The following SCP2 variants were observed in gnomAD, a reference collection of about 807,000 sequenced individuals.
SCP2 encodes sterol carrier protein 2.
A neutral mutation model predicts 71.4 loss-of-function variants in SCP2; 48 were observed. The observed-to-expected ratio is 0.67, with a 90% confidence interval of 0.53 to 0.86. The LOEUF is 0.86. Ranked by LOEUF, SCP2 falls within the 40% of genes least tolerant of loss-of-function variation. The pLI is 0.00. For missense variants in SCP2, 560 were observed against 655.6 expected (o/e 0.85, Z 1.59); for synonymous variants, 220 against 218.1 (o/e 1.01, Z -0.08).
At chr1:52,948,386 C>T (rs1376108244) in intron 3 of SCP2, among the ~76,000 whole-genome samples, 2 of 152,152 alleles carry the variant, frequency 1.3e-5, no homozygotes, top group Non-Finnish European at 2.9e-5. Flanking sequence ...TGGCTCACGC[C>T]TATAATCCCA....
At chr1:52,949,095 A>G (rs1223976464) in intron 3 of SCP2, among the ~76,000 whole-genome samples, 1 of 152,192 alleles carries the variant, frequency 6.6e-6, no homozygotes, top group East Asian at 1.9e-4. Context: ...TAGTTGTTAT[A>G]AAAATTCTAT....
chr1:52,982,415 A>G (rs1410044328), intron 10 of SCP2, among the ~76,000 whole-genome samples: 2 of 151,990 alleles, frequency 1.3e-5, no homozygotes, highest in South Asian at 2.1e-4. Flanking sequence ...CTAAAAATAC[A>G]AAAAATTAGC....
chr1:53,016,319 T>C (rs1661336662), intron 12 of SCP2, among the ~76,000 whole-genome samples: 1 of 152,202 alleles, frequency 6.6e-6, no homozygotes, highest in African/African-American at 2.4e-5. Context: ...GGTTGCACTG[T>C]ATCCGGTTTT....
At chr1:52,958,232 GTT>G (rs71579952) in intron 5 of SCP2, among the ~76,000 whole-genome samples, 9 of 141,500 alleles carry the variant, frequency 6.4e-5, no homozygotes, top group Non-Finnish European at 7.7e-5. Context: ...TTTTTCACAA[GTT>G]TTTTTTTTTT....
intron 11 of SCP2, among the ~76,000 whole-genome samples, chr1:52,991,629 G>C (rs1003633517): frequency 1.1e-4 from 17 of 152,154 alleles, no homozygotes; most frequent in African/African-American, 4.1e-4. Flanking sequence ...TTGAACTCCT[G>C]ACCTTGTGAT....
chr1:52,972,512 C>G (rs538451309), intron 6 of SCP2, among the ~76,000 whole-genome samples: 53 of 152,330 alleles, frequency 3.5e-4, no homozygotes, highest in African/African-American at 1.3e-3. Context: ...TTTAGCCACC[C>G]TTCTTCCTAC....
intron 14 of SCP2, among the ~76,000 whole-genome samples, chr1:53,043,963 C>T (rs981713253): frequency 3.9e-5 from 6 of 152,062 alleles, no homozygotes; most frequent in African/African-American, 7.2e-5. Context: ...TTTTTAGGGG[C>T]GATCCCTGAG....
intron 1 of SCP2, among the ~76,000 whole-genome samples, chr1:52,937,589 A>G (rs966876341): frequency 6.6e-6 from 1 of 152,182 alleles, no homozygotes; most frequent in Non-Finnish European, 1.5e-5. Flanking sequence ...AGAGATAGGA[A>G]CACATTAAGT....
intron 6 of SCP2, among the ~76,000 whole-genome samples, chr1:52,974,075 G>C (rs1195127401): frequency 6.6e-6 from 1 of 151,916 alleles, no homozygotes. Context: ...GTACTTTACT[G>C]TGCCATTAAT....
intron 6 of SCP2, among the ~76,000 whole-genome samples, chr1:52,967,409 G>A (rs55857333): frequency 0.014 from 2,088 of 151,976 alleles, 16 homozygotes; most frequent in Non-Finnish European, 0.021. Context: ...AATTATCCAC[G>A]TCATTTAGAT....
intron 10 of SCP2, among the ~76,000 whole-genome samples, chr1:52,985,605 A>G (rs961439138): frequency 2.0e-5 from 3 of 152,160 alleles, no homozygotes; most frequent in African/African-American, 7.2e-5. Context: ...TAATTCATTC[A>G]AAACCCAGTA....
intron 14 of SCP2, among the ~76,000 whole-genome samples, chr1:53,042,070 G>A (rs1663475403): frequency 6.6e-6 from 1 of 152,098 alleles, no homozygotes; most frequent in Non-Finnish European, 1.5e-5. Flanking sequence ...GTCTAGTGTG[G>A]GCAGCATGGC....
intron 1 of SCP2, among the ~76,000 whole-genome samples, chr1:52,932,036 A>G (rs1485504719): frequency 6.6e-6 from 1 of 152,198 alleles, no homozygotes; most frequent in Non-Finnish European, 1.5e-5. Flanking sequence ...GGAAATCTGG[A>G]CAATGGAGCA....
intron 3 of SCP2, among the ~76,000 whole-genome samples, chr1:52,950,498 A>G (rs1655191993): frequency 6.6e-6 from 1 of 152,182 alleles, no homozygotes; most frequent in African/African-American, 2.4e-5. Flanking sequence ...AGCCAGATGG[A>G]ACTGTTTTCT....
chr1:52,981,215 A>G (rs549673941), intron 10 of SCP2, among the ~76,000 whole-genome samples: 19 of 152,356 alleles, frequency 1.2e-4, no homozygotes, highest in African/African-American at 4.6e-4. Context: ...TATAGGCGTG[A>G]GCCACTGCGC....
intron 11 of SCP2, chr1:52,994,066 G>A: frequency 9.0e-7 from 1 of 1,106,502 alleles, no homozygotes; most frequent in Non-Finnish European, 1.1e-6. Flanking sequence ...TGTGCCCAAT[G>A]CTACACAGAC....
intron 1 of SCP2, among the ~76,000 whole-genome samples, chr1:52,928,225 T>C (rs575375182): frequency 6.6e-6 from 1 of 152,364 alleles, no homozygotes; most frequent in South Asian, 2.1e-4. Context: ...TGCTCGGCAG[T>C]ACCGGGCAGT....
intron 11 of SCP2, among the ~76,000 whole-genome samples, chr1:52,990,607 G>A (rs11206063): frequency 0.044 from 6,708 of 151,714 alleles, 456 homozygotes; most frequent in African/African-American, 0.15. Context: ...GGTGGCGGGC[G>A]CCTGCAGTCC....
At chr1:53,027,096 A>G (rs1010952144) in intron 12 of SCP2, among the ~76,000 whole-genome samples, 1 of 151,906 alleles carries the variant, frequency 6.6e-6, no homozygotes, top group Non-Finnish European at 1.5e-5. Context: ...ATGCCACCAT[A>G]ATAGGTTAAT....
Sources: gnomAD v4.1 joint callset for allele counts (sites outside exome capture counted in the v4.1 genomes callset) on GRCh38, gnomAD v4.1.1 for gene constraint, MANE v1.5 for transcripts, NCBI Gene and HGNC (gene_info 2026-07-23, HGNC 2026-07-21) for gene names.